LGI2: variants seen among roughly 807,000 people sequenced by gnomAD.
The protein encoded by LGI2 is leucine rich repeat LGI family member 2.
LGI2 carries 30 observed loss-of-function variants against 52.0 expected under a neutral mutation model. The ratio of observed to expected loss-of-function variants is 0.58; its 90% CI spans 0.43 to 0.78. The LOEUF (loss-of-function observed/expected upper bound fraction) is 0.78. Ranked by LOEUF, LGI2 falls within the 30% of genes least tolerant of loss-of-function variation. The pLI is 0.00. For missense variants in LGI2, 573 were observed against 692.5 expected, an observed-to-expected ratio of 0.83 and a Z score of 1.94; for synonymous variants, 270 against 271.8, an observed-to-expected ratio of 0.99 and a Z score of 0.06.
At chr4:25,028,446 G>A (rs779614231) in intron 2 of LGI2, 61 bp downstream of exon 2, 79 of 1,465,766 alleles carry the variant, frequency 5.4e-5, no homozygotes, top group African/African-American at 4.4e-4. Context: ...AGGCAGAGAC[G>A]GCCCTCCAAG....
rs1725238341 is a variant in LGI2 at position 25,001,524 on chromosome 4, C to CTGGG, written c.*1923_*1926dup. On this transcript the variant is annotated 3_prime_UTR_variant, in exon 8 of 8. Transcript: ENST00000382114. ...CCCTTTCAGCCTCCAATGGGGGGACCTGGGCATTTGTAGCCTGTTCAAAGA... is the reference window on the plus strand; with the variant it reads ...CCCTTTCAGCCTCCAATGGGGGGACCTGGGTGGGCATTTGTAGCCTGTTCAAAGA... 6.6e-6 allele frequency: 1 copy of CTGGG among 151,860 alleles called. No individual in the cohort carries two copies. The highest frequency in any genetic ancestry group is 6.6e-5 in the Admixed American group (1 of 15,232). 9.4% of individuals were successfully genotyped at this position (151,860 alleles called of 1,614,324 possible). A position where few individuals can be genotyped will look rare whatever the true frequency, so the allele number is the denominator to read the frequency against.
At chr4:24,996,411 C>T (rs148168812), downstream of LGI2, among the ~76,000 whole-genome samples, 12 of 152,190 alleles carry the variant, frequency 7.9e-5, no homozygotes, top group South Asian at 6.2e-4. Context: ...TAAGCCAAGA[C>T]GCTATAATCC....
At position 25,004,833 on chromosome 4, in the gene LGI2, C is replaced by G. The variant is rs1280317538; in HGVS notation, c.821-565G>C. 6.6e-6 allele frequency among the ~76,000 whole-genome samples: 1 copy of G among 152,200 alleles called. No individual in the cohort carries two copies. The highest frequency in any genetic ancestry group is 1.5e-5 in the Non-Finnish European group (1 of 68,032). ...CGGTATTCTGTTGCAGCAGCCCAAA[C>G]AGACTAAGACACCTATAACATCATC... is the stretch of plus-strand genomic sequence containing the variant. On this transcript the variant is annotated intron_variant, in intron 7 of 7. Coordinates refer to ENST00000382114, the MANE Select transcript of LGI2 (RefSeq NM_018176.4). This position sits in a 1 kb window ranked among gnomAD's most constrained non-coding sequence, Gnocchi z 4.6.
chr4:25,028,638 G>GTTTGATTACCCACCCTGCA, intron 1 of LGI2, 60 bp from the exon 2 acceptor site: 3 of 1,449,068 alleles, frequency 2.1e-6, no homozygotes, highest in African/African-American at 1.4e-5. Context: ...GCCATGCAGG[G>GTTTGATTACCCACCCTGCA]TGGGTAATCA....
Position 24,999,149 on chromosome 4 carries a change from A to T in LGI2, c.*4302T>A, listed in dbSNP as rs1725162569. 1 of 152,208 alleles carries T rather than the reference A, an allele frequency of 6.6e-6. No individual in the cohort carries two copies. Among genetic ancestry groups the T allele is most frequent in the Non-Finnish European group, 1.5e-5 (1 of 68,036 alleles). The allele number at this position is 152,208 out of a possible 1,614,324, so 9.4% of individuals were successfully genotyped here. A position where few individuals can be genotyped will look rare whatever the true frequency, so the allele number is the denominator to read the frequency against. ...TAGGGAATGCATAGTTTCCTACTAG[A>T]AAAAAAGTAGATTTTGATACAAGCA... On this transcript the variant is annotated 3_prime_UTR_variant, in exon 8 of 8. Transcript: ENST00000382114.
intron 4 of LGI2, 70 bp downstream of exon 4, chr4:25,024,750 C>CAGAG: frequency 9.6e-7 from 1 of 1,044,210 alleles, no homozygotes; most frequent in South Asian, 1.6e-5. Flanking sequence ...AGCCAAGAAA[C>CAGAG]AGAGAGGCTC....
At chr4:25,025,757 T>C (rs1040775965) in intron 3 of LGI2, among the ~76,000 whole-genome samples, 13 of 152,264 alleles carry the variant, frequency 8.5e-5, no homozygotes, top group African/African-American at 2.9e-4. Context: ...TTCTTGATTC[T>C]TGCACTGAGA....
At chr4:25,025,837 C>T (rs150963912) in intron 3 of LGI2, among the ~76,000 whole-genome samples, 216 of 152,296 alleles carry the variant, frequency 1.4e-3, no homozygotes, top group African/African-American at 5.0e-3. Context: ...GATGAGCTAA[C>T]TTCCTCTCCA....
At position 25,030,512 on chromosome 4, in the gene LGI2, C is replaced by T. The variant is rs1443680079; in HGVS notation, c.182G>A (p.Gly61Asp). ...TCCCACTCACAGGGAGCTGATGTCG[C>T]CCGGCACGATCCTGGGCACCCAGGA... ...GSSWVPRIVP[G>D]DISSLSLVNG... Residue 61 changes from glycine (G) to aspartate (D), a missense_variant, in exon 1 of 8, where the codon GGC (glycine) becomes GAC (aspartate). By Grantham distance (94) the Gly-to-Asp change is moderately conservative. Transcript: ENST00000382114. 7.5e-6 allele frequency: 12 copies of T among 1,591,856 alleles called. No homozygotes were observed. The African/African-American group carries it at 1.3e-4, about 18-fold the overall frequency.
chr4:25,021,940 A>C (rs1725976032), intron 4 of LGI2, among the ~76,000 whole-genome samples: 1 of 151,680 alleles, frequency 6.6e-6, no homozygotes, highest in Non-Finnish European at 1.5e-5. Context: ...CAAAAAAAAA[A>C]AAAAAAAAAC....
chr4:25,004,044 C>T lies in LGI2; in HGVS notation c.1045G>A (p.Gly349Ser). The T allele has an allele frequency of 1.2e-6, 2 of 1,614,124 alleles. No individual in the cohort carries two copies. The highest frequency in any genetic ancestry group is 1.1e-5 in the South Asian group (1 of 91,082). ...FFVIADSSKAGLSTVYKWNSK... is the reference protein window; with the variant it reads ...FFVIADSSKASLSTVYKWNSK... ...TTCCATTTATAAACTGTGGACAGAC[C>T]AGCCTTTGAGCTGTCTGCGATGACA... Residue 349 changes from glycine to serine, a missense_variant, in exon 8 of 8, where the codon GGT (glycine) becomes AGT (serine). Transcript: ENST00000382114. The surrounding 1 kb of genome is among the most constrained non-coding windows in gnomAD (Gnocchi z 4.6).
the LGI2 span, among the ~76,000 whole-genome samples, chr4:24,993,511 G>C: frequency 1.3e-5 from 2 of 152,142 alleles, no homozygotes; most frequent in East Asian, 3.9e-4. Context: ...TTTGGGACTA[G>C]GCATGCTGGG....
In LGI2 at chr4:25,012,354, C is replaced by A; in HGVS notation, c.801G>T (p.Arg267=). ...ACACACCTGTAATGTTGTCATAGCT[C>A]CGGAAATTCATTTCAATGTGGTCCC... ...LEWDHIEMNF[R]SYDNITGQSI... The change falls in exon 7 of 8, where the codon CGG becomes CGT. Residue 267 remains arginine (R), a synonymous_variant. Coordinates refer to ENST00000382114, the MANE Select transcript of LGI2 (RefSeq NM_018176.4). The A allele has an allele frequency of 1.2e-6, 2 of 1,614,222 alleles. No homozygotes were observed. The highest frequency in any genetic ancestry group is 1.7e-6 in the Non-Finnish European group (2 of 1,180,028).
At position 25,030,500 on chromosome 4, in the gene LGI2, G is replaced by T. The variant is rs762755962; in HGVS notation, c.194C>A (p.Ser65Tyr). Residue 65 changes from serine to tyrosine, a missense_variant, in exon 1 of 8, where the codon TCC becomes TAC. Physicochemically the swap from Ser to Tyr is moderately radical, Grantham distance 144 (BLOSUM62 -2). Coordinates refer to ENST00000382114, the MANE Select transcript of LGI2 (RefSeq NM_018176.4). The part of the protein sequence containing the change: ...VPRIVPGDIS[S>Y]LSLVNGTFSE... ...GGGCTGGAGGGGTCCCACTCACAGG[G>T]AGCTGATGTCGCCCGGCACGATCCT... The T allele has an allele frequency of 2.3e-5, 36 of 1,586,660 alleles. No homozygotes were observed. The African/African-American group carries it at 3.1e-4, about 14-fold the overall frequency.
chr4:25,014,438 A>C (rs1725686237), intron 6 of LGI2, among the ~76,000 whole-genome samples: 1 of 152,084 alleles, frequency 6.6e-6, no homozygotes, highest in Non-Finnish European at 1.5e-5. Flanking sequence ...AAATCATTTG[A>C]ATTATAAATG....
chr4:25,008,213 C>T (rs2109407594), intron 7 of LGI2, among the ~76,000 whole-genome samples: 1 of 152,260 alleles, frequency 6.6e-6, no homozygotes, highest in Middle Eastern at 3.4e-3. Context: ...AAGGTAGAGT[C>T]TGTGGGTGGA....
rs988142451 is a variant in LGI2, at chr4:25,000,851, T to A, written c.*2600A>T. Reference sequence around the variant, plus strand: ...TACATTATTACTGGAAGAATGCTTCTTGCAGAAGTTGTTTAAAACTTCAGG... The same window carrying A: ...TACATTATTACTGGAAGAATGCTTCATGCAGAAGTTGTTTAAAACTTCAGG... On this transcript the variant is annotated 3_prime_UTR_variant, in exon 8 of 8. Coordinates refer to ENST00000382114, the MANE Select transcript of LGI2 (RefSeq NM_018176.4). 1.3e-5 allele frequency: 2 copies of A among 152,242 alleles called. No homozygotes were observed. Among genetic ancestry groups the A allele is most frequent in the Admixed American group, 1.3e-4 (2 of 15,288 alleles). The allele number at this position is 152,242 out of a possible 1,614,324, so 9.4% of individuals were successfully genotyped here.
Position 25,028,530 on chromosome 4 carries a change from G to A in LGI2, c.246C>T (p.Ser82=). The part of the protein sequence containing the change: ...TFSEIKDRMF[S]HLPSLQLLLL... The stretch of plus-strand genomic sequence containing the variant: ...ACAGCAGCTGCAGAGAAGGCAGATG[G>A]GAAAACATTCGGTCCTTGATTTCTG... The change falls in exon 2 of 8, where the codon TCC becomes TCT. Residue 82 remains serine (S), a synonymous_variant. Transcript: ENST00000382114. The A allele has an allele frequency of 6.2e-7, 1 of 1,613,468 alleles. No individual in the cohort carries two copies. The highest frequency in any genetic ancestry group is 1.7e-5 in the Admixed American group (1 of 59,958).
At chr4:25,022,369 G>A (rs1725998161) in intron 4 of LGI2, among the ~76,000 whole-genome samples, 1 of 152,164 alleles carries the variant, frequency 6.6e-6, no homozygotes, top group African/African-American at 2.4e-5. Context: ...GCAGTGGGAT[G>A]GGGTGGGGGA....
Sources: allele counts gnomAD v4.1 joint callset (sites outside exome capture counted in the v4.1 genomes callset), GRCh38; gene constraint gnomAD v4.1.1; non-coding constraint Gnocchi (gnomAD v3.1); transcripts MANE v1.5; gene names NCBI Gene and HGNC (gene_info 2026-07-23, HGNC 2026-07-21).